The following NFIB variants were observed in gnomAD, a reference collection of about 807,000 sequenced individuals.
NFIB encodes the protein nuclear factor I B, also known as nuclear factor 1 B-type.
A neutral mutation model predicts 61.5 loss-of-function variants in NFIB; 11 were observed. The ratio of observed to expected loss-of-function variants is 0.18; its 90% CI spans 0.11 to 0.30. The LOEUF (loss-of-function observed/expected upper bound fraction) is 0.30, where lower values mean the gene tolerates loss of function less well. NFIB is among the 10% of genes least tolerant of loss of function. The pLI is 1.00. For missense variants in NFIB, 471 were observed against 608.9 expected (o/e 0.77, Z 2.38); for synonymous variants, 260 against 216.5 (o/e 1.20, Z -1.76).
At chr9:14,497,867 T>C in the NFIB span, among the ~76,000 whole-genome samples, 14,775 of 152,238 alleles carry the variant, frequency 0.097, 809 homozygotes, top group South Asian at 0.23. Context: ...CCATTTCTAC[T>C]GCCAACTGCT....
chr9:14,453,643 T>C, the NFIB span, among the ~76,000 whole-genome samples: 3 of 152,214 alleles, frequency 2.0e-5, no homozygotes, highest in Non-Finnish European at 4.4e-5. Context: ...TTGAGAGTAA[T>C]ATTGTCTTAT....
the NFIB span, among the ~76,000 whole-genome samples, chr9:14,434,407 G>A: frequency 1.3e-5 from 2 of 152,144 alleles, no homozygotes; most frequent in African/African-American, 4.8e-5. Context: ...AGCCTCTTTT[G>A]TGCATCTTTT....
intron 1 of NFIB, among the ~76,000 whole-genome samples, chr9:14,327,777 A>T (rs1232057429): frequency 6.6e-6 from 1 of 152,210 alleles, no homozygotes; most frequent in Non-Finnish European, 1.5e-5. Context: ...TAGGGATGAT[A>T]AGTCAGCTGC....
At chr9:14,417,124 C>T in the NFIB span, among the ~76,000 whole-genome samples, 1 of 151,500 alleles carries the variant, frequency 6.6e-6, no homozygotes, top group African/African-American at 2.4e-5. Flanking sequence ...AACTCCTGAC[C>T]TCGTGATCTG....
At chr9:14,320,959 G>A (rs2060645447) in intron 1 of NFIB, among the ~76,000 whole-genome samples, 1 of 152,038 alleles carries the variant, frequency 6.6e-6, no homozygotes, top group Non-Finnish European at 1.5e-5. Context: ...AAAATACTTA[G>A]AGATCTTGTC....
chr9:14,450,066 C>T, the NFIB span, among the ~76,000 whole-genome samples: 1 of 152,016 alleles, frequency 6.6e-6, no homozygotes, highest in South Asian at 2.1e-4. Flanking sequence ...GTTTGCTGCA[C>T]CCATTAACTC....
chr9:14,412,590 G>A, the NFIB span, among the ~76,000 whole-genome samples: 9 of 152,084 alleles, frequency 5.9e-5, no homozygotes, highest in East Asian at 1.9e-4. Flanking sequence ...TCTTCTCATC[G>A]GTTGTAGGGC....
chr9:14,090,976 C>G (rs2033811266), intron 10 of NFIB, among the ~76,000 whole-genome samples: 2 of 151,940 alleles, frequency 1.3e-5, no homozygotes, highest in African/African-American at 2.4e-5. Context: ...TAAATTGATG[C>G]TAGTAACTAA....
chr9:14,118,337 C>A (rs970690560), intron 8 of NFIB, among the ~76,000 whole-genome samples: 8 of 152,080 alleles, frequency 5.3e-5, no homozygotes, highest in African/African-American at 1.9e-4. Flanking sequence ...AACAAAATGT[C>A]TGGAGCAGAA....
chr9:14,279,077 G>A (rs1056061526), intron 2 of NFIB, among the ~76,000 whole-genome samples: 2 of 152,058 alleles, frequency 1.3e-5, no homozygotes, highest in Non-Finnish European at 2.9e-5. Flanking sequence ...GAGAGAGACG[G>A]ACACAGAGAG....
At chr9:14,491,245 C>T in the NFIB span, among the ~76,000 whole-genome samples, 4 of 151,852 alleles carry the variant, frequency 2.6e-5, no homozygotes, top group Non-Finnish European at 4.4e-5. Flanking sequence ...CAGTAAGCAC[C>T]CTGTGTTAGC....
intron 2 of NFIB, among the ~76,000 whole-genome samples, chr9:14,294,846 G>T (rs894290599): frequency 1.3e-5 from 2 of 152,148 alleles, no homozygotes; most frequent in Non-Finnish European, 2.9e-5. Context: ...TCCTAGTAGG[G>T]ATTGTGGATA....
intron 10 of NFIB, among the ~76,000 whole-genome samples, chr9:14,101,321 T>TTAA (rs1429190393): frequency 6.6e-6 from 1 of 152,238 alleles, no homozygotes; most frequent in East Asian, 1.9e-4. Context: ...TGGTAGTGAA[T>TTAA]TAATAAAAAG....
At chr9:14,174,292 T>C (rs1244477311) in intron 3 of NFIB, among the ~76,000 whole-genome samples, 1 of 152,230 alleles carries the variant, frequency 6.6e-6, no homozygotes, top group Non-Finnish European at 1.5e-5. Context: ...TTTCAGCATC[T>C]TTCTCCAAAT....
rs2032897475 is a variant in NFIB at position 14,086,573 on chromosome 9, G to A, written c.*1736C>T. On this transcript the variant is annotated 3_prime_UTR_variant, in exon 11 of 11. Coordinates refer to ENST00000380953, the MANE Select transcript of NFIB (RefSeq NM_001190737.2). ...CAAAATACTGAAAATATTGCTGGTC[G>A]ATTACAATTTTTAAGCGGCAACTAT... 9.3e-6 allele frequency: 2 copies of A among 215,134 alleles called. No individual in the cohort carries two copies. Among genetic ancestry groups the A allele is most frequent in the Admixed American group, 1.2e-4 (2 of 17,092 alleles). 13.3% of individuals were successfully genotyped at this position (215,134 alleles called of 1,614,324 possible).
At chr9:14,455,198 T>C in the NFIB span, among the ~76,000 whole-genome samples, 13 of 152,238 alleles carry the variant, frequency 8.5e-5, no homozygotes, top group Admixed American at 4.6e-4. Flanking sequence ...TTAAGGCATA[T>C]GCAGGTGCAA....
At chr9:14,253,700 G>A (rs925182689) in intron 2 of NFIB, among the ~76,000 whole-genome samples, 1 of 152,078 alleles carries the variant, frequency 6.6e-6, no homozygotes, top group African/African-American at 2.4e-5. Flanking sequence ...AGAAAAAAAT[G>A]TTTAAAATGA....
intron 3 of NFIB, among the ~76,000 whole-genome samples, chr9:14,175,318 C>T (rs9942857): frequency 5.9e-5 from 9 of 151,508 alleles, no homozygotes; most frequent in African/African-American, 1.7e-4. Flanking sequence ...AGACTACAGG[C>T]GCCCGCCACC....
At chr9:14,520,968 G>C in the NFIB span, among the ~76,000 whole-genome samples, 1 of 152,174 alleles carries the variant, frequency 6.6e-6, no homozygotes, top group African/African-American at 2.4e-5. Context: ...CTACAGACCA[G>C]TTTAGGGACA....
Sources: gnomAD v4.1 joint callset for allele counts (sites outside exome capture counted in the v4.1 genomes callset) on GRCh38, gnomAD v4.1.1 for gene constraint, MANE v1.5 for transcripts, NCBI Gene and HGNC (gene_info 2026-07-23, HGNC 2026-07-21) for gene names.